Variants in TMEM92 observed in about 807,000 individuals in gnomAD.
TMEM92 encodes the protein transmembrane protein 92.
A neutral mutation model predicts 14.6 loss-of-function variants in TMEM92; 15 were observed. That is an observed-to-expected ratio of 1.03 (90% CI 0.69 to 1.58). The LOEUF is 1.58. Among genes scored for constraint, TMEM92 ranks in the 40% most tolerant of loss-of-function variants. The probability of loss-of-function intolerance (pLI) is 0.00; values close to 1 mark genes in which losing one functional copy is unlikely to be tolerated. For missense variants in TMEM92, 174 were observed against 202.4 expected, an observed-to-expected ratio of 0.86 and a Z score of 0.85; for synonymous variants, 85 against 83.3, an observed-to-expected ratio of 1.02 and a Z score of -0.11.
rs761012894 is a variant in TMEM92, at chr17:50,279,646, G to A, written c.*338G>A. ...TTCTGGAGGTATGCAAATCTTGACT[G>A]GACAGCCAGCTCTGAGATTTTATCA... On this transcript the variant is annotated 3_prime_UTR_variant, in exon 5 of 5. Transcript: ENST00000507382. 5.1e-4 allele frequency: 160 copies of A among 315,576 alleles called. No homozygotes were observed. Among genetic ancestry groups the A allele is most frequent in the Non-Finnish European group, 8.7e-4 (145 of 166,284 alleles). The allele number at this position is 315,576 out of a possible 1,614,324, so 19.5% of individuals were successfully genotyped here.
Position 50,278,833 on chromosome 17 carries a change from C to T in TMEM92, c.203C>T (p.Ser68Phe), listed in dbSNP as rs760407455. Residue 68 changes from serine (S) to phenylalanine (F), a missense_variant, in exon 4 of 5, where the codon TCC (serine) becomes TTC (phenylalanine). Ser to Phe is a radical substitution (Grantham distance 155, BLOSUM62 -2). Transcript: ENST00000507382. ...GTCATCATCTTCCTGGTCATCCTGT[C>T]CGTCTTTTGCATCTGTGGCCTGGCT... ...IFVIIFLVIL[S>F]VFCICGLAKC... The T allele has an allele frequency of 3.1e-5, 50 of 1,613,170 alleles. No individual in the cohort carries two copies. Among genetic ancestry groups the T allele is most frequent in the Non-Finnish European group, 3.8e-5 (45 of 1,179,692 alleles).
chr17:50,274,702 T>G, intron 1 of TMEM92, 132 bp downstream of exon 1: 1 of 815,022 alleles, frequency 1.2e-6, no homozygotes, highest in Non-Finnish European at 1.9e-6. Flanking sequence ...GCTACTTCCT[T>G]TCTCTCTTTG....
chr17:50,279,018 C>A, intron 4 of TMEM92, 22 bp downstream of exon 4: 1 of 1,545,786 alleles, frequency 6.5e-7, no homozygotes, highest in South Asian at 1.1e-5. Context: ...ATCCCCATCC[C>A]CACCTTGCCT....
At chr17:50,279,130 C>A in intron 4 of TMEM92, 65 bp from the exon 5 acceptor site, 1 of 1,539,746 alleles carries the variant, frequency 6.5e-7, no homozygotes, top group South Asian at 1.1e-5. Context: ...CATGCCTCAG[C>A]TGGGATGGGG....
upstream of TMEM92, among the ~76,000 whole-genome samples, chr17:50,274,167 C>CG (rs34281429): frequency 1.2e-3 from 179 of 151,686 alleles, 2 homozygotes; most frequent in African/African-American, 2.3e-3. Flanking sequence ...CTAGTGGAGA[C>CG]GGGGGGTCTC....
chr17:50,272,868 A>G (rs1266199808), upstream of TMEM92, among the ~76,000 whole-genome samples: 1 of 152,044 alleles, frequency 6.6e-6, no homozygotes, highest in Non-Finnish European at 1.5e-5. Context: ...GAGGAGAAAC[A>G]GACGGGAGAA....
upstream of TMEM92, chr17:50,274,413 C>G (rs1910352492): frequency 7.0e-7 from 1 of 1,423,534 alleles, no homozygotes. Flanking sequence ...GCCCCCATCC[C>G]GAGGCGGGGC....
At chr17:50,278,193 T>A (rs1215395705) in intron 2 of TMEM92, among the ~76,000 whole-genome samples, 1 of 152,044 alleles carries the variant, frequency 6.6e-6, no homozygotes, top group East Asian at 1.9e-4. Flanking sequence ...GAGAACTGGC[T>A]CTTCCTGGAC....
At chr17:50,274,395 G>C, upstream of TMEM92, 3 of 1,157,664 alleles carry the variant, frequency 2.6e-6, no homozygotes, top group Non-Finnish European at 3.8e-6. Flanking sequence ...CTCTCCCGGT[G>C]CAGCTCCGCC....
chr17:50,279,033 C>T, intron 4 of TMEM92, 37 bp downstream of exon 4: 2 of 1,492,862 alleles, frequency 1.3e-6, no homozygotes, highest in African/African-American at 1.4e-5. Flanking sequence ...TTGCCTCTGG[C>T]CGGCTGTGCA....
At chr17:50,272,371 C>G (rs1332952118), upstream of TMEM92, among the ~76,000 whole-genome samples, 2 of 152,220 alleles carry the variant, frequency 1.3e-5, no homozygotes, top group Non-Finnish European at 2.9e-5. Context: ...AAGGGCCACA[C>G]CTCTGTAGGG....
Position 50,274,523 on chromosome 17 carries a change from G to A in TMEM92, c.22G>A (p.Gly8Ser), listed in dbSNP as rs751992218. 45 of 1,613,836 alleles carry A rather than the reference G, an allele frequency of 2.8e-5. No homozygotes were observed. The highest frequency in any genetic ancestry group is 3.5e-5 in the Non-Finnish European group (41 of 1,179,938). The change falls in exon 1 of 5, where the codon GGC becomes AGC. Residue 8 changes from glycine (G) to serine (S), a missense_variant. Physicochemically the swap from Gly to Ser is moderately conservative, Grantham distance 56. Coordinates refer to ENST00000507382, the MANE Select transcript of TMEM92 (RefSeq NM_153229.3). MSQAWVPGLAPTLLFSLL... is the reference protein window; with the variant it reads MSQAWVPSLAPTLLFSLL... ...CAGGATGTCCCAAGCTTGGGTCCCC[G>A]GCCTCGCGCCCACCTTGCTGTTCAG...
intron 1 of TMEM92, among the ~76,000 whole-genome samples, chr17:50,276,043 A>G (rs1443735083): frequency 1.3e-5 from 2 of 152,120 alleles, no homozygotes; most frequent in Admixed American, 1.3e-4. Context: ...AGGCAGGAGT[A>G]TCACTTGAAC....
Position 50,279,746 on chromosome 17 carries a change from C to G in TMEM92, c.*438C>G, listed in dbSNP as rs1046711199. ...CTTCCACTCCTACCTGAATAGAGAA[C>G]TCACTGCACCCACCCACAACACATG... is the stretch of plus-strand genomic sequence containing the variant. On this transcript the variant is annotated 3_prime_UTR_variant, in exon 5 of 5. Coordinates refer to ENST00000507382, the MANE Select transcript of TMEM92 (RefSeq NM_153229.3). 1 of 233,594 alleles carries G rather than the reference C, an allele frequency of 4.3e-6. No homozygotes were observed. Among genetic ancestry groups the G allele is most frequent in the African/African-American group, 2.4e-5 (1 of 41,878 alleles). 14.5% of individuals were successfully genotyped at this position (233,594 alleles called of 1,614,324 possible).
intron 2 of TMEM92, 132 bp from the exon 3 acceptor site, chr17:50,278,424 A>G (rs1419565806): frequency 3.8e-5 from 37 of 969,460 alleles, no homozygotes; most frequent in Middle Eastern, 4.3e-4. Flanking sequence ...CGGGGGCCAT[A>G]CCCCCCACCC....
At chr17:50,275,447 G>A (rs978016306) in intron 1 of TMEM92, among the ~76,000 whole-genome samples, 51 of 152,126 alleles carry the variant, frequency 3.4e-4, no homozygotes, top group Middle Eastern at 6.8e-3. Flanking sequence ...TTGTGTCAAT[G>A]CTGGGCTGGG....
upstream of TMEM92, among the ~76,000 whole-genome samples, chr17:50,273,510 G>A (rs1378354789): frequency 6.6e-6 from 1 of 152,270 alleles, no homozygotes; most frequent in East Asian, 1.9e-4. Context: ...GGACCCCGGG[G>A]CAGTCTAAAC....
At chr17:50,273,478 G>A (rs1234706004), upstream of TMEM92, among the ~76,000 whole-genome samples, 6 of 152,274 alleles carry the variant, frequency 3.9e-5, no homozygotes, top group Non-Finnish European at 7.3e-5. Context: ...GGCGGGCCTG[G>A]CAGAGGACCA....
In TMEM92 at chr17:50,279,359, C is replaced by T. The variant is rs1465052880; in HGVS notation, c.*51C>T. On this transcript the variant is annotated 3_prime_UTR_variant, in exon 5 of 5. Coordinates refer to ENST00000507382, the MANE Select transcript of TMEM92 (RefSeq NM_153229.3). ...ATCAGCAACCTCCTCCCCAGTGCCT[C>T]CTGGATCAAGCTAGAGACTGCTGGC... 4 of 1,478,420 alleles carry T rather than the reference C, an allele frequency of 2.7e-6. No homozygotes were observed. Among genetic ancestry groups the T allele is most frequent in the African/African-American group, 1.4e-5 (1 of 71,976 alleles). The allele number at this position is 1,478,420 out of a possible 1,614,324, so 91.6% of individuals were successfully genotyped here.
Sources: allele counts gnomAD v4.1 joint callset (sites outside exome capture counted in the v4.1 genomes callset), GRCh38; gene constraint gnomAD v4.1.1; transcripts MANE v1.5; gene names NCBI Gene and HGNC (gene_info 2026-07-23, HGNC 2026-07-21).